ADAMTSL1: variants seen among roughly 807,000 people sequenced by gnomAD.
ADAMTSL1 encodes the protein ADAMTS-like protein 1.
ADAMTSL1 carries 126 observed loss-of-function variants against 201.8 expected under a neutral mutation model. That is an observed-to-expected ratio of 0.62 (90% CI 0.54 to 0.72). The LOEUF is 0.72. Ranked by LOEUF, ADAMTSL1 falls within the 30% of genes least tolerant of loss-of-function variation. The pLI is 0.00. For synonymous variants in ADAMTSL1, 1,121 were observed against 903.4 expected, an observed-to-expected ratio of 1.24 and a Z score of -4.32; for missense variants, 2,679 against 2,277.8, an observed-to-expected ratio of 1.18 and a Z score of -3.59.
intron 2 of ADAMTSL1, among the ~76,000 whole-genome samples, chr9:18,360,427 G>A (rs1002221708): frequency 1.3e-5 from 2 of 152,074 alleles, no homozygotes; most frequent in African/African-American, 2.4e-5. Flanking sequence ...TAAGATTCTG[G>A]GCAAGATTTT....
intron 26 of ADAMTSL1, among the ~76,000 whole-genome samples, chr9:18,894,566 G>A (rs1273299977): frequency 6.6e-6 from 1 of 151,834 alleles, no homozygotes; most frequent in African/African-American, 2.4e-5. Flanking sequence ...GAGAAAGGAA[G>A]GAAGTCAAAA....
At chr9:18,896,283 T>G (rs899315882) in intron 26 of ADAMTSL1, among the ~76,000 whole-genome samples, 13 of 152,124 alleles carry the variant, frequency 8.5e-5, no homozygotes, top group Non-Finnish European at 1.8e-4. Flanking sequence ...AAAATCAGTC[T>G]TAAGAAACAA....
intron 2 of ADAMTSL1, among the ~76,000 whole-genome samples, chr9:18,355,196 G>C (rs1317494336): frequency 6.6e-6 from 1 of 152,078 alleles, no homozygotes; most frequent in Non-Finnish European, 1.5e-5. Context: ...TGGTATCACT[G>C]TTCTCCCTTT....
chr9:18,739,895 C>CTGTGTGTG (rs1487457581), intron 15 of ADAMTSL1, among the ~76,000 whole-genome samples: 20 of 109,212 alleles, frequency 1.8e-4, no homozygotes, highest in African/African-American at 5.7e-4. Flanking sequence ...TACATGTCTA[C>CTGTGTGTG]TATCTGTGTG....
At position 18,598,900 on chromosome 9, in the gene ADAMTSL1, A is replaced by G. The variant is rs1824444884; in HGVS notation, c.475-23343A>G. On this transcript the variant is annotated intron_variant, in intron 4 of 28. Coordinates refer to ENST00000380548, the MANE Select transcript of ADAMTSL1 (RefSeq NM_001040272.6). ...GGTGGGCTGGGGAGGAAAGCTTGAGAAGAAGCAGCCAAAGTCACACTCAAA... is the reference window on the plus strand; with the variant it reads ...GGTGGGCTGGGGAGGAAAGCTTGAGGAGAAGCAGCCAAAGTCACACTCAAA... Among the ~76,000 whole-genome samples, 3 of 152,196 alleles carry G rather than the reference A, an allele frequency of 2.0e-5. No individual in the cohort carries two copies. The South Asian group carries it at 6.2e-4, about 32-fold the overall frequency.
At chr9:18,315,414 G>A (rs553535978) in intron 2 of ADAMTSL1, among the ~76,000 whole-genome samples, 20 of 152,182 alleles carry the variant, frequency 1.3e-4, no homozygotes, top group East Asian at 3.9e-4. Context: ...GGCTCGGGCC[G>A]TGTGGGAGCC....
chr9:18,110,286 A>AT (rs1198983629), intron 1 of ADAMTSL1, among the ~76,000 whole-genome samples: 1 of 152,182 alleles, frequency 6.6e-6, no homozygotes, highest in Non-Finnish European at 1.5e-5. Flanking sequence ...AGGGTCTTCC[A>AT]TGATCATTCA....
At chr9:18,469,694 C>A (rs913110521), upstream of ADAMTSL1, among the ~76,000 whole-genome samples, 2 of 152,244 alleles carry the variant, frequency 1.3e-5, no homozygotes, top group African/African-American at 4.8e-5. Flanking sequence ...CCTCTTGACA[C>A]CTGCAAACAT....
At chr9:18,072,008 C>A (rs1822992591) in intron 1 of ADAMTSL1, among the ~76,000 whole-genome samples, 1 of 152,132 alleles carries the variant, frequency 6.6e-6, no homozygotes, top group Non-Finnish European at 1.5e-5. Flanking sequence ...AGTGCCAGAA[C>A]CTTTCTAAGG....
intron 1 of ADAMTSL1, among the ~76,000 whole-genome samples, chr9:18,067,484 C>T (rs939665944): frequency 6.6e-6 from 1 of 151,826 alleles, no homozygotes; most frequent in African/African-American, 2.4e-5. Flanking sequence ...ACATTGAAAC[C>T]ATAATCATTG....
At chr9:18,064,565 G>A (rs1257259032) in intron 1 of ADAMTSL1, among the ~76,000 whole-genome samples, 1 of 152,108 alleles carries the variant, frequency 6.6e-6, no homozygotes, top group East Asian at 1.9e-4. Context: ...TTGGGTATAA[G>A]GTGTTTGAGA....
rs1825729441 is a variant in ADAMTSL1, at chr9:18,841,735, G to T, written c.4249+11758G>T. 4.6e-5 allele frequency among the ~76,000 whole-genome samples: 7 copies of T among 152,308 alleles called. No individual in the cohort carries two copies. In the South Asian group the frequency reaches 1.4e-3, roughly 32 times the overall value. ...TCAGTTCCTGTTATTGGTCTATTCAGAGATTCAACTTCTTCCTGGTTTAGT... is the reference window on the plus strand; with the variant it reads ...TCAGTTCCTGTTATTGGTCTATTCATAGATTCAACTTCTTCCTGGTTTAGT... On this transcript the variant is annotated intron_variant, in intron 23 of 28. Transcript: ENST00000380548.
chr9:18,778,514 T>C (rs1821198096), intron 19 of ADAMTSL1, among the ~76,000 whole-genome samples: 1 of 152,224 alleles, frequency 6.6e-6, no homozygotes, highest in Non-Finnish European at 1.5e-5. Flanking sequence ...ATCACTTCCT[T>C]GTCTCTCTGG....
chr9:18,091,741 T>G (rs1471105177), intron 1 of ADAMTSL1, among the ~76,000 whole-genome samples: 1 of 152,138 alleles, frequency 6.6e-6, no homozygotes, highest in Non-Finnish European at 1.5e-5. Flanking sequence ...GTGAACACAG[T>G]GTGCTATTAA....
intron 4 of ADAMTSL1, among the ~76,000 whole-genome samples, chr9:18,616,792 G>A (rs950236215): frequency 2.0e-5 from 3 of 151,970 alleles, no homozygotes; most frequent in Non-Finnish European, 4.4e-5. Context: ...ATTTGTTCTT[G>A]TGAATTTTAT....
At chr9:18,306,136 A>G (rs1360370089) in intron 2 of ADAMTSL1, among the ~76,000 whole-genome samples, 1 of 152,206 alleles carries the variant, frequency 6.6e-6, no homozygotes, top group Non-Finnish European at 1.5e-5. Flanking sequence ...AACAGAAAGG[A>G]ATAGCGTCAA....
chr9:17,979,013 C>T (rs1818574559), intron 1 of ADAMTSL1, among the ~76,000 whole-genome samples: 1 of 151,856 alleles, frequency 6.6e-6, no homozygotes, highest in African/African-American at 2.4e-5. Context: ...GTCTCCTGGC[C>T]TGCAAATTTT....
intron 4 of ADAMTSL1, among the ~76,000 whole-genome samples, chr9:18,618,844 A>G (rs1350170988): frequency 2.0e-5 from 3 of 152,204 alleles, no homozygotes; most frequent in African/African-American, 7.2e-5. Flanking sequence ...CTCATGACCA[A>G]TGAGAAATGT....
At chr9:18,868,293 G>T (rs1827668659) in intron 23 of ADAMTSL1, among the ~76,000 whole-genome samples, 1 of 151,912 alleles carries the variant, frequency 6.6e-6, no homozygotes, top group South Asian at 2.1e-4. Context: ...GTCGTTTCTG[G>T]ATTTGTTTCC....
Sources: allele counts gnomAD v4.1 joint callset (sites outside exome capture counted in the v4.1 genomes callset), GRCh38; gene constraint gnomAD v4.1.1; transcripts MANE v1.5; gene names NCBI Gene and HGNC (gene_info 2026-07-23, HGNC 2026-07-21).